Variants in NFATC2 observed in about 807,000 individuals in gnomAD.
NFATC2 encodes the protein nuclear factor of activated T-cells, cytoplasmic 2.
In NFATC2, 22 loss-of-function variants were observed where a neutral mutation model predicts 87.3. The ratio of observed to expected loss-of-function variants is 0.25; its 90% CI spans 0.18 to 0.36. The LOEUF (loss-of-function observed/expected upper bound fraction) is 0.36. Ranked by LOEUF, NFATC2 falls within the 10% of genes least tolerant of loss-of-function variation. NFATC2 has a pLI of 1.00. For synonymous variants in NFATC2, 565 were observed against 542.2 expected (o/e 1.04, Z -0.58); for missense variants, 1,149 against 1,259.1 (o/e 0.91, Z 1.32).
chr20:51,424,849 TAA>T (rs34696779), intron 9 of NFATC2, among the ~76,000 whole-genome samples: 2 of 143,146 alleles, frequency 1.4e-5, no homozygotes, highest in Admixed American at 1.4e-4. Flanking sequence ...GGGATTACAT[TAA>T]AAAAAAAAAA....
In NFATC2 at chr20:51,390,646, C is replaced by T. The variant is rs557063203; in HGVS notation, c.*850G>A. 8.5e-5 allele frequency: 13 copies of T among 153,682 alleles called. No homozygotes were observed. The highest frequency in any genetic ancestry group is 3.1e-4 in the African/African-American group (13 of 41,562). The allele number at this position is 153,682 out of a possible 1,614,324, so 9.5% of individuals were successfully genotyped here. A position where few individuals can be genotyped will look rare whatever the true frequency, so the allele number is the denominator to read the frequency against. On this transcript the variant is annotated 3_prime_UTR_variant, in exon 11 of 11. Transcript: ENST00000371564. ...GTGCTGCAGGGGTTAAAGAACAGCTCGCCAAGACAGCTCCAGGGCTAGGTG... is the reference window on the plus strand; with the variant it reads ...GTGCTGCAGGGGTTAAAGAACAGCTTGCCAAGACAGCTCCAGGGCTAGGTG...
intron 3 of NFATC2, among the ~76,000 whole-genome samples, chr20:51,516,344 A>T (rs1354418974): frequency 6.6e-6 from 1 of 152,238 alleles, no homozygotes; most frequent in African/African-American, 2.4e-5. Context: ...ATATATAAAA[A>T]TACTAATATA....
chr20:51,536,662 G>A (rs148228222), intron 1 of NFATC2, among the ~76,000 whole-genome samples: 63 of 152,290 alleles, frequency 4.1e-4, no homozygotes, highest in African/African-American at 1.4e-3. Context: ...AAGATGCCAC[G>A]TGTTTCACAG....
intron 5 of NFATC2, among the ~76,000 whole-genome samples, chr20:51,471,897 C>A (rs1004553285): frequency 1.3e-5 from 2 of 152,174 alleles, no homozygotes; most frequent in Non-Finnish European, 2.9e-5. Context: ...ATGGATGCAG[C>A]AAAGCACCAT....
At chr20:51,551,092 C>G (rs1217931301) in intron 1 of NFATC2, among the ~76,000 whole-genome samples, 1 of 152,166 alleles carries the variant, frequency 6.6e-6, no homozygotes, top group Non-Finnish European at 1.5e-5. Flanking sequence ...GGAAGCATTC[C>G]CTGGGACTCA....
intron 9 of NFATC2, among the ~76,000 whole-genome samples, chr20:51,404,699 T>C (rs1988382990): frequency 6.6e-6 from 1 of 152,226 alleles, no homozygotes; most frequent in African/African-American, 2.4e-5. Context: ...TTCTGCATTT[T>C]CAGAATGGGC....
intron 9 of NFATC2, among the ~76,000 whole-genome samples, chr20:51,403,089 G>A (rs563150440): frequency 5.9e-5 from 9 of 152,204 alleles, no homozygotes; most frequent in South Asian, 2.1e-4. Flanking sequence ...CAACTCAAGC[G>A]CACGTCCTGG....
intron 3 of NFATC2, among the ~76,000 whole-genome samples, chr20:51,512,140 C>T (rs2076281599): frequency 6.6e-6 from 1 of 152,164 alleles, no homozygotes; most frequent in Non-Finnish European, 1.5e-5. Context: ...GGTTCTATGA[C>T]CTGTTCCAGG....
chr20:51,432,700 G>T lies in NFATC2; in HGVS notation c.2089C>A (p.Pro697Thr). ...DEYDPTLICS[P>T]THGGLGSQPY... ...TGGCTCCCCAGGCCTCCATGGGTGG[G>T]GCTGCAGATCAGAGTGGGGTCATAT... The change falls in exon 9 of 11, where the codon CCC becomes ACC. Residue 697 changes from proline to threonine, a missense_variant. Coordinates refer to ENST00000371564, the MANE Select transcript of NFATC2 (RefSeq NM_012340.5). This position sits in a 1 kb window ranked among gnomAD's most constrained non-coding sequence, Gnocchi z 4.6. 1 of 1,584,554 alleles carries T rather than the reference G, an allele frequency of 6.3e-7. No individual in the cohort carries two copies. Among genetic ancestry groups the T allele is most frequent in the Admixed American group, 1.7e-5 (1 of 57,256 alleles).
At chr20:51,398,570 TAAAA>T (rs11086333) in intron 10 of NFATC2, 69 bp downstream of exon 10, 7 of 854,896 alleles carry the variant, frequency 8.2e-6, no homozygotes, top group Non-Finnish European at 1.0e-5. Context: ...ATACTTTACT[TAAAA>T]AAAAAAAAAT....
At chr20:51,406,303 T>C (rs1480577386) in intron 9 of NFATC2, among the ~76,000 whole-genome samples, 1 of 152,208 alleles carries the variant, frequency 6.6e-6, no homozygotes, top group Non-Finnish European at 1.5e-5. Context: ...GCACAAACAC[T>C]GGTCCTTGGG....
rs201617985 is a variant in NFATC2 at position 51,391,400 on chromosome 20, G to A, written c.*96C>T. On this transcript the variant is annotated 3_prime_UTR_variant, in exon 11 of 11. Transcript: ENST00000371564. ...GTCTTGCTATAATGGCTTCTTTTAC[G>A]TCTGATTTCTGGCAGGAGGTCCTGA... 3.4e-5 allele frequency: 50 copies of A among 1,492,020 alleles called. No individual in the cohort carries two copies. Among genetic ancestry groups the A allele is most frequent in the Middle Eastern group, 1.9e-4 (1 of 5,336 alleles). 92.4% of individuals were successfully genotyped at this position (1,492,020 alleles called of 1,614,324 possible).
Position 51,448,422 on chromosome 20 carries a change from A to G in NFATC2, c.1849+6126T>C, listed in dbSNP as rs58250797. ...TTTGGGAGGCCAAGGCAGGCAGATT[A>G]CGAGGTCAGGAGATTGAGACCATCC... On this transcript the variant is annotated intron_variant, in intron 6 of 10. Coordinates refer to ENST00000371564, the MANE Select transcript of NFATC2 (RefSeq NM_012340.5). Among the ~76,000 whole-genome samples the G allele has an allele frequency of 1.7e-3, 257 of 152,332 alleles. 3 individuals are homozygous for G. The East Asian group carries it at 0.019, about 11-fold the overall frequency.
intron 6 of NFATC2, among the ~76,000 whole-genome samples, chr20:51,437,248 G>A (rs1983722842): frequency 6.6e-6 from 1 of 152,156 alleles, no homozygotes; most frequent in South Asian, 2.1e-4. Context: ...TGGAACACTG[G>A]TTCTGAAGGA....
At chr20:51,562,633 G>C, upstream of NFATC2, 1 of 1,550,808 alleles carries the variant, frequency 6.4e-7, no homozygotes, top group Non-Finnish European at 8.7e-7. The surrounding 1 kb of genome is among the most constrained non-coding windows in gnomAD (Gnocchi z 5.8). Context: ...TCTGCATCTG[G>C]AGGGCACGGG....
intron 10 of NFATC2, 33 bp from the exon 11 acceptor site, chr20:51,391,484 G>C: frequency 1.3e-6 from 2 of 1,548,040 alleles, no homozygotes; most frequent in Non-Finnish European, 1.8e-6. Flanking sequence ...GGGGGAGAGA[G>C]AATGGGGCAA....
At chr20:51,557,519 T>C (rs6063672) in intron 1 of NFATC2, among the ~76,000 whole-genome samples, 22,011 of 152,184 alleles carry the variant, frequency 0.14, 2,087 homozygotes, top group Non-Finnish European at 0.21. Context: ...GTTGCTGTTA[T>C]TGGGGGCTTA....
At chr20:51,520,281 C>CT (rs1793705721) in intron 2 of NFATC2, among the ~76,000 whole-genome samples, 1 of 152,156 alleles carries the variant, frequency 6.6e-6, no homozygotes, top group South Asian at 2.1e-4. Context: ...GGAGACTGAC[C>CT]TGTCTACGTA....
intron 6 of NFATC2, among the ~76,000 whole-genome samples, chr20:51,436,381 GTCTA>G (rs1281149476): frequency 3.4e-5 from 5 of 147,836 alleles, no homozygotes; most frequent in East Asian, 4.0e-4. Context: ...GTATCTGAAT[GTCTA>G]TCTTTCTATT....
Sources: allele counts gnomAD v4.1 joint callset (sites outside exome capture counted in the v4.1 genomes callset), GRCh38; gene constraint gnomAD v4.1.1; non-coding constraint Gnocchi (gnomAD v3.1); transcripts MANE v1.5; gene names NCBI Gene and HGNC (gene_info 2026-07-23, HGNC 2026-07-21).